The following EPAS1 variants were observed in gnomAD, a reference collection of about 807,000 sequenced individuals.
EPAS1 encodes endothelial PAS domain-containing protein 1.
EPAS1 carries 23 observed loss-of-function variants against 87.9 expected under a neutral mutation model. That is an observed-to-expected ratio of 0.26 (90% CI 0.19 to 0.37). EPAS1 has a LOEUF of 0.37. Among genes scored for constraint, EPAS1 ranks in the 10% least tolerant of loss-of-function variants. The probability of loss-of-function intolerance (pLI) is 1.00; values close to 1 mark genes in which losing one functional copy is unlikely to be tolerated. For synonymous variants in EPAS1, 508 were observed against 444.3 expected (o/e 1.14, Z -1.80); for missense variants, 1,138 against 1,120.7 (o/e 1.02, Z -0.22).
At chr2:46,308,086 A>C (rs1572613160) in intron 1 of EPAS1, among the ~76,000 whole-genome samples, 1 of 152,094 alleles carries the variant, frequency 6.6e-6, no homozygotes, top group African/African-American at 2.4e-5. Context: ...CTGAGTTCCT[A>C]ATACACAAGC....
chr2:46,298,821 C>G (rs1456652232), intron 1 of EPAS1, among the ~76,000 whole-genome samples: 1 of 152,216 alleles, frequency 6.6e-6, no homozygotes, highest in Admixed American at 6.5e-5. Flanking sequence ...AGCGAGGGTT[C>G]GAGCCCTCTG....
At chr2:46,340,450 A>T (rs1259804526) in intron 1 of EPAS1, among the ~76,000 whole-genome samples, 1 of 152,142 alleles carries the variant, frequency 6.6e-6, no homozygotes, top group African/African-American at 2.4e-5. Context: ...CTTTCAGGGA[A>T]GTGGCAAGTG....
intron 1 of EPAS1, among the ~76,000 whole-genome samples, chr2:46,344,144 G>A (rs1043050035): frequency 8.5e-5 from 13 of 152,224 alleles, no homozygotes; most frequent in Non-Finnish European, 1.5e-5. Flanking sequence ...GTTAGGAAGA[G>A]TATAATGAAC....
intron 1 of EPAS1, among the ~76,000 whole-genome samples, chr2:46,337,338 G>A (rs555360680): frequency 5.9e-5 from 9 of 152,302 alleles, no homozygotes; most frequent in South Asian, 2.1e-4. Context: ...CTAGGGAAAC[G>A]GATGCATGGG....
In EPAS1 at chr2:46,362,453, C is replaced by T. The variant is rs547820049; in HGVS notation, c.779+1363C>T. ...TAAACTCAAGGAGCTGAAACCACTT[C>T]TGAAGGCAGTTAGTGGCTGGGGGGC... On this transcript the variant is annotated intron_variant, in intron 6 of 15. Coordinates refer to ENST00000263734, the MANE Select transcript of EPAS1 (RefSeq NM_001430.5). Among the ~76,000 whole-genome samples, 15 of 152,318 alleles carry T rather than the reference C, an allele frequency of 9.8e-5. No homozygotes were observed. In the South Asian group the frequency reaches 1.9e-3, roughly 19 times the overall value.
intron 1 of EPAS1, among the ~76,000 whole-genome samples, chr2:46,341,175 A>G (rs1177446244): frequency 6.6e-6 from 1 of 152,212 alleles, no homozygotes; most frequent in East Asian, 1.9e-4. Context: ...CTCCTTTGGA[A>G]TGGCCCTCAC....
At chr2:46,335,184 A>C (rs1439614567) in intron 1 of EPAS1, among the ~76,000 whole-genome samples, 2 of 152,142 alleles carry the variant, frequency 1.3e-5, no homozygotes, top group African/African-American at 2.4e-5. Flanking sequence ...AGGAACCAGA[A>C]GTTCTGGCAA....
chr2:46,381,221 T>C (rs1282097353), intron 12 of EPAS1: 3 of 370,192 alleles, frequency 8.1e-6, no homozygotes, highest in Non-Finnish European at 1.6e-5. Context: ...GGCACAGGGG[T>C]TGGTACATGA....
At chr2:46,329,719 G>A (rs575677520) in intron 1 of EPAS1, among the ~76,000 whole-genome samples, 1 of 152,308 alleles carries the variant, frequency 6.6e-6, no homozygotes, top group African/African-American at 2.4e-5. Flanking sequence ...CTACTTGGGA[G>A]GCTGAGGCGG....
intron 1 of EPAS1, among the ~76,000 whole-genome samples, chr2:46,344,338 G>A (rs142415178): frequency 1.3e-5 from 2 of 152,350 alleles, no homozygotes; most frequent in East Asian, 3.9e-4. Context: ...AGATATTGGC[G>A]TTAATGCCAT....
intron 1 of EPAS1, among the ~76,000 whole-genome samples, chr2:46,301,409 T>C (rs897056415): frequency 3.9e-5 from 6 of 152,014 alleles, no homozygotes; most frequent in African/African-American, 1.5e-4. Flanking sequence ...ACCCCGTCTC[T>C]ATTAAAAACA....
intron 1 of EPAS1, among the ~76,000 whole-genome samples, chr2:46,316,254 A>G (rs1023354607): frequency 6.6e-5 from 10 of 151,222 alleles, no homozygotes; most frequent in African/African-American, 2.5e-4. Context: ...AACAATGTAC[A>G]TACCCTTTTT....
At chr2:46,361,916 G>A (rs1174203634) in intron 6 of EPAS1, among the ~76,000 whole-genome samples, 1 of 152,326 alleles carries the variant, frequency 6.6e-6, no homozygotes, top group East Asian at 1.9e-4. Context: ...CTCTGGGACT[G>A]TGGAGCCTGA....
intron 1 of EPAS1, among the ~76,000 whole-genome samples, chr2:46,307,941 C>A (rs747812356): frequency 5.9e-5 from 9 of 152,140 alleles, no homozygotes; most frequent in African/African-American, 1.9e-4. Context: ...ACACTCAGGG[C>A]CTCAGTAAAG....
At position 46,325,511 on chromosome 2, in the gene EPAS1, G is replaced by A. The variant is rs1683546230; in HGVS notation, c.27-21362G>A. Among the ~76,000 whole-genome samples the A allele has an allele frequency of 2.0e-5, 3 of 152,192 alleles. No individual in the cohort carries two copies. In the South Asian group the frequency reaches 6.2e-4, roughly 31 times the overall value. ...GGATGACATGACTCACTTTGGTGGT[G>A]ACCTCCTAGTAGTTCAACTGAGAAT... is the stretch of plus-strand genomic sequence containing the variant. On this transcript the variant is annotated intron_variant, in intron 1 of 15. Coordinates refer to ENST00000263734, the MANE Select transcript of EPAS1 (RefSeq NM_001430.5).
chr2:46,380,717 G>GGTAA lies in EPAS1; in HGVS notation c.2045+3_2045+6dup. Reference sequence around the variant, plus strand: ...CCCCATGTCTCCACCTTCAAGACAAGGTAAGTGGCAGATACTCAGCTGTAC... The same window carrying GGTAA: ...CCCCATGTCTCCACCTTCAAGACAAGGTAAGTAAGTGGCAGATACTCAGCTGTAC... On this transcript the variant is annotated stop_gained and frameshift_variant and splice_region_variant. Transcript: ENST00000263734. LOFTEE classifies it high-confidence loss of function. The surrounding 1 kb of genome is among the most constrained non-coding windows in gnomAD (Gnocchi z 4.4). 6.2e-7 allele frequency: 1 copy of GGTAA among 1,610,276 alleles called. No homozygotes were observed. Among genetic ancestry groups the GGTAA allele is most frequent in the East Asian group, 2.2e-5 (1 of 44,884 alleles).
At chr2:46,319,193 C>T (rs889687827) in intron 1 of EPAS1, among the ~76,000 whole-genome samples, 1 of 152,212 alleles carries the variant, frequency 6.6e-6, no homozygotes, top group Non-Finnish European at 1.5e-5. Context: ...CACTTGATTA[C>T]ATAGGAAGAG....
chr2:46,378,111 GAC>G, intron 10 of EPAS1, 24 bp downstream of exon 10: 1 of 1,576,194 alleles, frequency 6.3e-7, no homozygotes, highest in Non-Finnish European at 8.6e-7. Context: ...TTATGGCGAG[GAC>G]ACAGAGAGGG....
chr2:46,384,703 C>G lies in EPAS1; in HGVS notation c.*43C>G, dbSNP rs367670779. The G allele has an allele frequency of 6.2e-7, 1 of 1,605,854 alleles. No homozygotes were observed. On this transcript the variant is annotated 3_prime_UTR_variant, in exon 16 of 16. Coordinates refer to ENST00000263734, the MANE Select transcript of EPAS1 (RefSeq NM_001430.5). The stretch of plus-strand genomic sequence containing the variant: ...GGCAGCACCTCTGCCGACGCCGTCC[C>G]ACCAGCTTCACTCTCTCCGTCTGTT...
Sources: gnomAD v4.1 joint callset for allele counts (sites outside exome capture counted in the v4.1 genomes callset) on GRCh38, gnomAD v4.1.1 for gene constraint, Gnocchi (gnomAD v3.1) non-coding constraint, MANE v1.5 for transcripts, NCBI Gene and HGNC (gene_info 2026-07-23, HGNC 2026-07-21) for gene names.